The following TBC1D4 variants were observed in gnomAD, a reference collection of about 807,000 sequenced individuals.
TBC1D4 encodes the protein TBC (Tre-2, BUB2, CDC16) domain-containing protein.
Under a neutral mutation model 142.5 loss-of-function variants are expected in TBC1D4, and 121 were observed. That is an observed-to-expected ratio of 0.85 (90% CI 0.73 to 0.99). TBC1D4 has a LOEUF of 0.99. Among genes scored for constraint, TBC1D4 ranks in the 50% least tolerant of loss-of-function variants. The probability of loss-of-function intolerance (pLI) is 0.00; values close to 1 mark genes in which losing one functional copy is unlikely to be tolerated. For missense variants in TBC1D4, 1,475 were observed against 1,606.6 expected, an observed-to-expected ratio of 0.92 and a Z score of 1.40; for synonymous variants, 630 against 628.2, an observed-to-expected ratio of 1.00 and a Z score of -0.04.
chr13:75,448,022 G>A (rs995310429), intron 1 of TBC1D4, among the ~76,000 whole-genome samples: 3 of 152,046 alleles, frequency 2.0e-5, no homozygotes, highest in African/African-American at 7.2e-5. Flanking sequence ...TAAATGTAAT[G>A]CTCTTGAATC....
At chr13:75,463,677 A>G (rs550405528) in intron 1 of TBC1D4, among the ~76,000 whole-genome samples, 1 of 152,332 alleles carries the variant, frequency 6.6e-6, no homozygotes, top group African/African-American at 2.4e-5. Context: ...ACAATTACTG[A>G]TATTAAGATG....
At chr13:75,455,981 ATCTGC>A (rs1887719294) in intron 1 of TBC1D4, among the ~76,000 whole-genome samples, 1 of 152,042 alleles carries the variant, frequency 6.6e-6, no homozygotes, top group Non-Finnish European at 1.5e-5. Context: ...ATAAATATTA[ATCTGC>A]TACTCATATA....
intron 1 of TBC1D4, among the ~76,000 whole-genome samples, chr13:75,480,622 A>C (rs1888799438): frequency 6.6e-6 from 1 of 152,224 alleles, no homozygotes; most frequent in South Asian, 2.1e-4. Flanking sequence ...GTGTTTAAAA[A>C]CCGCAAAAAA....
chr13:75,473,368 G>A (rs559176343), intron 1 of TBC1D4, among the ~76,000 whole-genome samples: 13 of 152,294 alleles, frequency 8.5e-5, no homozygotes, highest in African/African-American at 2.6e-4. Flanking sequence ...TACAAAAGAA[G>A]ATACAATTGT....
At chr13:75,398,302 G>A (rs138172520) in intron 1 of TBC1D4, among the ~76,000 whole-genome samples, 106 of 152,292 alleles carry the variant, frequency 7.0e-4, no homozygotes, top group Non-Finnish European at 1.2e-3. Flanking sequence ...TCTAGAAGTG[G>A]GTGCTGGCAT....
chr13:75,453,786 C>T (rs1054430683), intron 1 of TBC1D4, among the ~76,000 whole-genome samples: 22 of 150,902 alleles, frequency 1.5e-4, no homozygotes, highest in African/African-American at 3.9e-4. Flanking sequence ...CTCTTGAACC[C>T]GGGAGGCAGA....
chr13:75,289,767 T>C (rs1335063650), intron 19 of TBC1D4, among the ~76,000 whole-genome samples: 1 of 152,156 alleles, frequency 6.6e-6, no homozygotes, highest in Non-Finnish European at 1.5e-5. Context: ...TGCTCTCCCA[T>C]GTCACCACTA....
chr13:75,451,681 A>C lies in TBC1D4; in HGVS notation c.498+29589T>G, dbSNP rs192128012. Among the ~76,000 whole-genome samples, 804 of 149,454 alleles carry C rather than the reference A, an allele frequency of 5.4e-3. 8 individuals carry two copies. Among genetic ancestry groups the C allele is most frequent in the African/African-American group, 0.018 (720 of 41,048 alleles). On this transcript the variant is annotated intron_variant, in intron 1 of 20. Transcript: ENST00000377636. ...GGTAATAGAACAAGTTCCTATCTCA[A>C]AAAAAAACTCCAAAAGCTTTTCTAT... is the stretch of plus-strand genomic sequence containing the variant.
chr13:75,403,263 G>A (rs559839294), intron 1 of TBC1D4, among the ~76,000 whole-genome samples: 1 of 152,224 alleles, frequency 6.6e-6, no homozygotes, highest in South Asian at 2.1e-4. Context: ...AAGTGTGTGG[G>A]GTTTTTGCAG....
At chr13:75,481,200 G>GCCCC in intron 1 of TBC1D4, 70 bp downstream of exon 1, 1 of 633,012 alleles carries the variant, frequency 1.6e-6, no homozygotes, top group Non-Finnish European at 2.6e-6. Context: ...TGGGGTCCCC[G>GCCCC]CCCCTCCCGC....
intron 1 of TBC1D4, among the ~76,000 whole-genome samples, chr13:75,377,739 T>G (rs1188864240): frequency 6.7e-6 from 1 of 150,052 alleles, no homozygotes; most frequent in Non-Finnish European, 1.5e-5. Context: ...TCTTTATCAG[T>G]ATGTGTGTGT....
chr13:75,320,059 G>A (rs1878626383), intron 11 of TBC1D4, 22 bp from the exon 12 acceptor site: 1 of 1,612,920 alleles, frequency 6.2e-7, no homozygotes, highest in African/African-American at 1.3e-5. Flanking sequence ...GGAAAACAAG[G>A]AATGGAATTA....
At chr13:75,427,562 G>A (rs2138146602) in intron 1 of TBC1D4, among the ~76,000 whole-genome samples, 1 of 152,274 alleles carries the variant, frequency 6.6e-6, no homozygotes, top group Non-Finnish European at 1.5e-5. Context: ...AAAAGAAGAT[G>A]GAACCCATCA....
chr13:75,437,559 T>C (rs960691731), intron 1 of TBC1D4, among the ~76,000 whole-genome samples: 4 of 152,086 alleles, frequency 2.6e-5, no homozygotes, highest in African/African-American at 4.8e-5. Flanking sequence ...GTAGCAAAAT[T>C]ATTCCCTTAA....
intron 1 of TBC1D4, among the ~76,000 whole-genome samples, chr13:75,380,503 T>C (rs1489342959): frequency 6.6e-6 from 1 of 151,520 alleles, no homozygotes; most frequent in African/African-American, 2.4e-5. Flanking sequence ...TTTTTAAATC[T>C]GTCTGTCTCT....
At chr13:75,436,321 A>G (rs1362274062) in intron 1 of TBC1D4, among the ~76,000 whole-genome samples, 1 of 152,092 alleles carries the variant, frequency 6.6e-6, no homozygotes, top group Non-Finnish European at 1.5e-5. Context: ...GGACTAACAC[A>G]AATGCCAACT....
intron 15 of TBC1D4, among the ~76,000 whole-genome samples, chr13:75,303,956 T>TC (rs1876876854): frequency 6.6e-6 from 1 of 152,184 alleles, no homozygotes; most frequent in African/African-American, 2.4e-5. Flanking sequence ...TTTGAAGCTC[T>TC]CCCTAACATC....
At chr13:75,325,748 A>T (rs1366344937) in intron 10 of TBC1D4, among the ~76,000 whole-genome samples, 2 of 152,252 alleles carry the variant, frequency 1.3e-5, no homozygotes, top group Non-Finnish European at 2.9e-5. Flanking sequence ...ATTATGTAAC[A>T]AAATATAGCC....
chr13:75,346,658 T>A (rs1212929998), intron 5 of TBC1D4, among the ~76,000 whole-genome samples: 1 of 152,188 alleles, frequency 6.6e-6, no homozygotes, highest in African/African-American at 2.4e-5. Flanking sequence ...TTTGCGTATA[T>A]ACCCAGTAAT....
Sources: gnomAD v4.1 joint callset for allele counts (sites outside exome capture counted in the v4.1 genomes callset) on GRCh38, gnomAD v4.1.1 for gene constraint, MANE v1.5 for transcripts, NCBI Gene and HGNC (gene_info 2026-07-23, HGNC 2026-07-21) for gene names.